Variants in NPAS3 observed in about 807,000 individuals in gnomAD.
The protein encoded by NPAS3 is neuronal PAS domain protein 3.
A neutral mutation model predicts 73.1 loss-of-function variants in NPAS3; 14 were observed. That is an observed-to-expected ratio of 0.19 (90% CI 0.13 to 0.30). NPAS3 has a LOEUF of 0.30. Ranked by LOEUF, NPAS3 falls within the 10% of genes least tolerant of loss-of-function variation. The probability of loss-of-function intolerance (pLI) is 1.00; values close to 1 mark genes in which losing one functional copy is unlikely to be tolerated. For missense variants in NPAS3, 1,096 were observed against 1,250.0 expected, an observed-to-expected ratio of 0.88 and a Z score of 1.86; for synonymous variants, 620 against 541.5, an observed-to-expected ratio of 1.14 and a Z score of -2.01.
chr14:33,128,683 C>T (rs75161390), intron 2 of NPAS3, among the ~76,000 whole-genome samples: 2,503 of 152,018 alleles, frequency 0.016, 61 homozygotes, highest in African/African-American at 0.058. Flanking sequence ...TAAATGGTGC[C>T]GAGCCAGTAT....
At chr14:33,260,465 G>A (rs243299) in intron 3 of NPAS3, among the ~76,000 whole-genome samples, 138,393 of 152,100 alleles carry the variant, frequency 0.91, 63,515 homozygotes, top group South Asian at 0.98. Flanking sequence ...TCATGCACCC[G>A]TACATTTTTA....
chr14:33,535,182 A>T (rs980692), intron 4 of NPAS3, among the ~76,000 whole-genome samples: 29,375 of 152,100 alleles, frequency 0.19, 3,899 homozygotes, highest in African/African-American at 0.38. Context: ...GTCATAAAAA[A>T]TATCACTTAC....
At chr14:33,234,042 C>G (rs2047945478) in intron 3 of NPAS3, among the ~76,000 whole-genome samples, 1 of 152,016 alleles carries the variant, frequency 6.6e-6, no homozygotes, top group Non-Finnish European at 1.5e-5. Context: ...GAAAAGAAGT[C>G]TTAGTGACAG....
chr14:33,561,627 G>T (rs2055654036), intron 5 of NPAS3, among the ~76,000 whole-genome samples: 1 of 152,172 alleles, frequency 6.6e-6, no homozygotes, highest in South Asian at 2.1e-4. Flanking sequence ...CTAGTATTGA[G>T]AATCTTCAAT....
In NPAS3 at chr14:33,467,944, C is replaced by A. The variant is rs532638845; in HGVS notation, c.469-92177C>A. 7.4e-4 allele frequency among the ~76,000 whole-genome samples: 113 copies of A among 152,068 alleles called. 1 individual carries two copies. In the South Asian group the frequency reaches 0.022, roughly 30 times the overall value. On this transcript the variant is annotated intron_variant, in intron 4 of 11. Coordinates refer to ENST00000356141, the Ensembl canonical transcript of NPAS3. Reference sequence around the variant, plus strand: ...CTAGACCAGAGATGGATAGCGCGAGCCCCAAACATCTTAATTATTTCAGTC... The same window carrying A: ...CTAGACCAGAGATGGATAGCGCGAGACCCAAACATCTTAATTATTTCAGTC...
intron 1 of NPAS3, among the ~76,000 whole-genome samples, chr14:32,983,942 G>A (rs924898491): frequency 2.6e-5 from 4 of 152,116 alleles, no homozygotes; most frequent in African/African-American, 7.2e-5. Context: ...GGCTGGTCTC[G>A]AACTCCTGAC....
Position 33,543,989 on chromosome 14 carries a change from ATATATATATATATC to A in NPAS3, c.469-16126_469-16113del, listed in dbSNP as rs1566988576. On this transcript the variant is annotated intron_variant, in intron 4 of 11. Transcript: ENST00000356141. ...TATATATATATATATATATATATAT[ATATATATATATATC>A]TATATCAGGAATAGGTGCTGAGGAT... Among the ~76,000 whole-genome samples the A allele has an allele frequency of 1.2e-3, 43 of 37,296 alleles. 2 individuals are homozygous for A. The highest frequency in any genetic ancestry group is 2.8e-3 in the Admixed American group (11 of 3,888). The allele number at this position is 37,296 out of a possible 152,430, so 24.5% of individuals were successfully genotyped here.
intron 2 of NPAS3, among the ~76,000 whole-genome samples, chr14:33,086,089 A>G (rs1334584827): frequency 6.6e-6 from 1 of 152,192 alleles, no homozygotes; most frequent in Non-Finnish European, 1.5e-5. Flanking sequence ...GGCTGTAGAT[A>G]CTCACACAGG....
At chr14:33,592,374 A>G (rs1009586442) in intron 5 of NPAS3, among the ~76,000 whole-genome samples, 1 of 152,218 alleles carries the variant, frequency 6.6e-6, no homozygotes, top group African/African-American at 2.4e-5. Flanking sequence ...AGAAGCTTCA[A>G]ACTTAATTGG....
intron 6 of NPAS3, among the ~76,000 whole-genome samples, chr14:33,684,357 G>T (rs1379545476): frequency 6.6e-6 from 1 of 151,690 alleles, no homozygotes; most frequent in African/African-American, 2.4e-5. Flanking sequence ...TGTCGCCCAG[G>T]CTGGAGTGCA....
chr14:33,403,496 T>C (rs191510577), intron 4 of NPAS3, among the ~76,000 whole-genome samples: 1 of 152,108 alleles, frequency 6.6e-6, no homozygotes, highest in Non-Finnish European at 1.5e-5. Flanking sequence ...CCTTCACTGA[T>C]AAAATGGTAA....
intron 5 of NPAS3, among the ~76,000 whole-genome samples, chr14:33,668,210 A>C (rs2059509705): frequency 6.6e-6 from 1 of 152,148 alleles, no homozygotes; most frequent in Non-Finnish European, 1.5e-5. Flanking sequence ...TTTTTCGCGC[A>C]ACAGTATCAC....
intron 4 of NPAS3, among the ~76,000 whole-genome samples, chr14:33,376,782 A>G (rs1193045457): frequency 4.6e-5 from 7 of 152,310 alleles, no homozygotes; most frequent in African/African-American, 1.4e-4. Context: ...TCTAAGCCTT[A>G]GTTTTTTCAT....
chr14:33,413,964 CAT>C, intron 4 of NPAS3, among the ~76,000 whole-genome samples: 1 of 152,234 alleles, frequency 6.6e-6, no homozygotes, highest in African/African-American at 2.4e-5. Flanking sequence ...TCATTCTTTT[CAT>C]ATTAGATCAT....
intron 5 of NPAS3, among the ~76,000 whole-genome samples, chr14:33,660,024 A>G (rs570682329): frequency 1.6e-4 from 24 of 152,296 alleles, no homozygotes; most frequent in Admixed American, 1.3e-3. Flanking sequence ...GTTGTTCCAC[A>G]TGGAAGAAAT....
chr14:33,002,035 G>A (rs1333513334), intron 1 of NPAS3, among the ~76,000 whole-genome samples: 1 of 152,172 alleles, frequency 6.6e-6, no homozygotes, highest in African/African-American at 2.4e-5. Flanking sequence ...CATTTCTGGA[G>A]CAAGTCTCAG....
chr14:33,358,401 A>C (rs186025544), intron 3 of NPAS3, among the ~76,000 whole-genome samples: 1 of 152,292 alleles, frequency 6.6e-6, no homozygotes, highest in Admixed American at 6.5e-5. Flanking sequence ...ATGACAGTCC[A>C]TCGTTGTCGC....
At chr14:33,026,656 A>T (rs188340915) in intron 1 of NPAS3, among the ~76,000 whole-genome samples, 3 of 152,018 alleles carry the variant, frequency 2.0e-5, no homozygotes, top group African/African-American at 7.2e-5. Flanking sequence ...TCTTCCTAAC[A>T]GTGAATTTAC....
intron 5 of NPAS3, among the ~76,000 whole-genome samples, chr14:33,598,592 A>G (rs1280383869): frequency 6.6e-6 from 1 of 152,228 alleles, no homozygotes; most frequent in Non-Finnish European, 1.5e-5. Context: ...ACAAACTTGC[A>G]TATGTTAGGC....
Sources: allele counts gnomAD v4.1 joint callset (sites outside exome capture counted in the v4.1 genomes callset), GRCh38; gene constraint gnomAD v4.1.1; transcripts MANE v1.5; gene names NCBI Gene and HGNC (gene_info 2026-07-23, HGNC 2026-07-21).